Variants in SAXO1 observed in about 807,000 individuals in gnomAD.
SAXO1 encodes the protein stabilizer of axonemal microtubules 1, also known as 4930500O09Rik.
In SAXO1, 21 loss-of-function variants were observed where a neutral mutation model predicts 17.5. The observed-to-expected ratio is 1.20, with a 90% CI of 0.85 to 1.72. The LOEUF is 1.72. Among genes scored for constraint, SAXO1 ranks in the 40% most tolerant of loss-of-function variants. The pLI is 0.00. For synonymous variants in SAXO1, 274 were observed against 216.5 expected (o/e 1.27, Z -2.33); for missense variants, 843 against 596.0 (o/e 1.41, Z -4.32).
chr9:18,939,859 T>G (rs1204216475), intron 3 of SAXO1, among the ~76,000 whole-genome samples: 1 of 152,162 alleles, frequency 6.6e-6, no homozygotes, highest in South Asian at 2.1e-4. Flanking sequence ...TCTGAGGAGT[T>G]TTATACAAAG....
chr9:18,955,436 G>C (rs1282176347), intron 1 of SAXO1, among the ~76,000 whole-genome samples: 3 of 152,158 alleles, frequency 2.0e-5, no homozygotes, highest in Non-Finnish European at 4.4e-5. Flanking sequence ...ATATGGTAGT[G>C]GCTTCCCTAT....
chr9:19,048,546 C>G (rs1836275676), intron 1 of SAXO1, among the ~76,000 whole-genome samples: 1 of 152,192 alleles, frequency 6.6e-6, no homozygotes, highest in Non-Finnish European at 1.5e-5. Flanking sequence ...ACTGGCGACA[C>G]TGATTCACTC....
At chr9:19,012,548 T>C (rs1834792178) in intron 1 of SAXO1, among the ~76,000 whole-genome samples, 1 of 152,176 alleles carries the variant, frequency 6.6e-6, no homozygotes, top group African/African-American at 2.4e-5. Flanking sequence ...CAGAGTTAGA[T>C]GGGCAACTCT....
intron 1 of SAXO1, among the ~76,000 whole-genome samples, chr9:18,977,813 G>A (rs1013597755): frequency 1.3e-5 from 2 of 151,882 alleles, no homozygotes; most frequent in Non-Finnish European, 2.9e-5. Flanking sequence ...GGGCAACATG[G>A]CAAAACCCCG....
intron 2 of SAXO1, among the ~76,000 whole-genome samples, chr9:18,945,333 T>C (rs1831746394): frequency 6.6e-6 from 1 of 152,196 alleles, no homozygotes; most frequent in Admixed American, 6.5e-5. Flanking sequence ...ATCCTCTCAC[T>C]CAATTTTTCA....
intron 1 of SAXO1, among the ~76,000 whole-genome samples, chr9:18,960,929 GA>G (rs1433791408): frequency 6.6e-6 from 1 of 152,164 alleles, no homozygotes; most frequent in Non-Finnish European, 1.5e-5. Context: ...GAGTGAGGGT[GA>G]AGGGGCATGC....
intron 1 of SAXO1, among the ~76,000 whole-genome samples, chr9:19,000,366 G>A (rs1183778113): frequency 4.8e-5 from 7 of 145,266 alleles, no homozygotes; most frequent in Middle Eastern, 4.3e-3. Context: ...CCCTCTGCCC[G>A]GCCACCCAAC....
intron 3 of SAXO1, 107 bp from the exon 4 acceptor site, chr9:18,929,162 T>C (rs1007691634): frequency 2.4e-6 from 3 of 1,269,970 alleles, no homozygotes; most frequent in Non-Finnish European, 3.2e-6. Context: ...AAGTGTTCTT[T>C]GAGACAAAGA....
At chr9:18,992,937 A>T (rs1833866478) in intron 1 of SAXO1, among the ~76,000 whole-genome samples, 1 of 151,942 alleles carries the variant, frequency 6.6e-6, no homozygotes, top group Admixed American at 6.6e-5. Context: ...AATAGCTAGG[A>T]TTACAAGCAT....
At position 18,999,169 on chromosome 9, in the gene SAXO1, T is replaced by C. The variant is rs1409505310; in HGVS notation, c.38+33702A>G. The stretch of plus-strand genomic sequence containing the variant: ...AAAAGACACAGACTGGCAAATTGGA[T>C]AAAGAGTCAAGACCTACCTGTGTGC... On this transcript the variant is annotated intron_variant, in intron 1 of 3. Transcript: ENST00000380534. Among the ~76,000 whole-genome samples the C allele has an allele frequency of 2.0e-5, 3 of 152,186 alleles. No homozygotes were observed. In the East Asian group the frequency reaches 5.8e-4, roughly 29 times the overall value.
intron 3 of SAXO1, among the ~76,000 whole-genome samples, chr9:18,940,061 T>C (rs1327477916): frequency 6.6e-6 from 1 of 152,152 alleles, no homozygotes; most frequent in East Asian, 1.9e-4. Context: ...CGGCTATCAG[T>C]AGGAGCTGGG....
intron 1 of SAXO1, among the ~76,000 whole-genome samples, chr9:19,009,712 G>A (rs1588523921): frequency 6.6e-6 from 1 of 152,090 alleles, no homozygotes; most frequent in South Asian, 2.1e-4. Context: ...ATCCTGACCT[G>A]CTTACACTCT....
At chr9:18,974,184 T>C (rs1383686256) in intron 1 of SAXO1, among the ~76,000 whole-genome samples, 1 of 152,100 alleles carries the variant, frequency 6.6e-6, no homozygotes, top group East Asian at 1.9e-4. Context: ...ACATTCAAAA[T>C]AGAAGGAGCC....
intron 3 of SAXO1, among the ~76,000 whole-genome samples, chr9:18,929,515 C>A (rs1365405986): frequency 6.6e-6 from 1 of 152,206 alleles, no homozygotes; most frequent in Non-Finnish European, 1.5e-5. Flanking sequence ...CCAGGCCTAC[C>A]TGGTCGTCTG....
At chr9:19,015,692 T>A (rs1834948046) in intron 1 of SAXO1, among the ~76,000 whole-genome samples, 1 of 150,194 alleles carries the variant, frequency 6.7e-6, no homozygotes, top group Non-Finnish European at 1.5e-5. Context: ...TGGCCCAGGC[T>A]AGTCTGAAAT....
chr9:19,005,419 A>T (rs79361988), intron 1 of SAXO1, among the ~76,000 whole-genome samples: 1 of 152,228 alleles, frequency 6.6e-6, no homozygotes, highest in East Asian at 1.9e-4. Context: ...TGATACTAGC[A>T]TAAGGACAGA....
In SAXO1 at chr9:19,022,644, G is replaced by A. The variant is rs186651970; in HGVS notation, c.38+10227C>T. Among the ~76,000 whole-genome samples, 4 of 152,252 alleles carry A rather than the reference G, an allele frequency of 2.6e-5. No individual in the cohort carries two copies. The East Asian group carries it at 7.7e-4, about 29-fold the overall frequency. ...ATAATGGGTAGTTTCTAAAAGTTAA[G>A]TTATTGACCAGCACTGGGAGAAACT... On this transcript the variant is annotated intron_variant, in intron 1 of 3. Transcript: ENST00000380534.
rs181139240 is a variant in SAXO1 at position 19,007,443 on chromosome 9, C to A, written c.38+25428G>T. ...CAAAGAAGTTCAACTTTTTAAAATACGGACTTTTTGGATCTAGCAATATAT... is the reference window on the plus strand; with the variant it reads ...CAAAGAAGTTCAACTTTTTAAAATAAGGACTTTTTGGATCTAGCAATATAT... On this transcript the variant is annotated intron_variant, in intron 1 of 3. Transcript: ENST00000380534. 4.6e-5 allele frequency among the ~76,000 whole-genome samples: 7 copies of A among 152,268 alleles called. No individual in the cohort carries two copies. The East Asian group carries it at 1.3e-3, about 29-fold the overall frequency.
intron 1 of SAXO1, among the ~76,000 whole-genome samples, chr9:19,011,920 A>G (rs2130990326): frequency 6.8e-6 from 1 of 147,136 alleles, no homozygotes; most frequent in Admixed American, 7.0e-5. Flanking sequence ...ATCTCAGGTC[A>G]CTGCAACCTC....
Sources: gnomAD v4.1 joint callset for allele counts (sites outside exome capture counted in the v4.1 genomes callset) on GRCh38, gnomAD v4.1.1 for gene constraint, MANE v1.5 for transcripts, NCBI Gene and HGNC (gene_info 2026-07-23, HGNC 2026-07-21) for gene names.